RIMS2: variants seen among roughly 807,000 people sequenced by gnomAD.
RIMS2 encodes the protein regulating synaptic membrane exocytosis 2.
RIMS2 carries 59 observed loss-of-function variants against 174.4 expected under a neutral mutation model. That is an observed-to-expected ratio of 0.34 (90% confidence interval 0.27 to 0.42). The LOEUF is 0.42. RIMS2 is among the 10% of genes least tolerant of loss of function. The pLI is 1.00. For missense variants in RIMS2, 1,620 were observed against 1,666.3 expected, an observed-to-expected ratio of 0.97 and a Z score of 0.48; for synonymous variants, 606 against 572.5, an observed-to-expected ratio of 1.06 and a Z score of -0.84.
At chr8:104,148,213 T>A (rs2098659443) in intron 19 of RIMS2, among the ~76,000 whole-genome samples, 1 of 149,200 alleles carries the variant, frequency 6.7e-6, no homozygotes, top group Non-Finnish European at 1.5e-5. Context: ...ACTTGTCTAA[T>A]TACCTTTTGA....
chr8:103,529,016 A>G (rs975981128), intron 1 of RIMS2, among the ~76,000 whole-genome samples: 2 of 152,316 alleles, frequency 1.3e-5, no homozygotes, highest in African/African-American at 4.8e-5. Context: ...GAGTCTTCCT[A>G]TCCATGAGCA....
In RIMS2 at chr8:104,166,080, TTTTTGA is replaced by T. The variant is rs1566789680; in HGVS notation, c.3335-78835_3335-78830del. On this transcript the variant is annotated intron_variant, in intron 19 of 23. Coordinates refer to ENST00000504942, the Ensembl canonical transcript of RIMS2. ...ATTTCTTTTTTTTTTTTTTTTTTTT[TTTTTGA>T]GACAGAGTCTCGCTCTGTCGCCCAG... Among the ~76,000 whole-genome samples the T allele has an allele frequency of 1.7e-4, 8 of 45,742 alleles. No homozygotes were observed. In the South Asian group the frequency reaches 4.1e-3, roughly 23 times the overall value. The allele number at this position is 45,742 out of a possible 152,430, so 30.0% of individuals were successfully genotyped here. A position where few individuals can be genotyped will look rare whatever the true frequency, so the allele number is the denominator to read the frequency against.
intron 19 of RIMS2, among the ~76,000 whole-genome samples, chr8:104,234,455 T>G (rs2099248427): frequency 6.6e-6 from 1 of 150,772 alleles, no homozygotes; most frequent in Non-Finnish European, 1.5e-5. Flanking sequence ...GTAGTGGATA[T>G]GCAACTCTAT....
intron 2 of RIMS2, among the ~76,000 whole-genome samples, chr8:103,740,383 A>G (rs2097748488): frequency 3.3e-5 from 5 of 152,164 alleles, no homozygotes; most frequent in Admixed American, 2.6e-4. Flanking sequence ...TAGAGAAGGG[A>G]AGAAATGCCT....
chr8:103,790,148 A>C (rs935948939), intron 3 of RIMS2, among the ~76,000 whole-genome samples: 2 of 152,248 alleles, frequency 1.3e-5, no homozygotes, highest in East Asian at 3.9e-4. Context: ...ACAAATGTAC[A>C]CCTAAGTGGT....
chr8:103,720,112 C>G (rs1471493335), intron 2 of RIMS2, among the ~76,000 whole-genome samples: 1 of 152,100 alleles, frequency 6.6e-6, no homozygotes, highest in African/African-American at 2.4e-5. Flanking sequence ...CAGTAATTCT[C>G]ACATTTCAGA....
intron 2 of RIMS2, among the ~76,000 whole-genome samples, chr8:103,758,283 T>G (rs2098055773): frequency 6.6e-6 from 1 of 152,194 alleles, no homozygotes; most frequent in African/African-American, 2.4e-5. Context: ...AGATATTCAT[T>G]AATGAGCTGT....
chr8:104,176,432 A>G (rs767394513), intron 19 of RIMS2, among the ~76,000 whole-genome samples: 25 of 152,068 alleles, frequency 1.6e-4, no homozygotes, highest in Non-Finnish European at 3.7e-4. Flanking sequence ...TTACAGCATT[A>G]CTGGCCTGGC....
At chr8:103,564,157 C>T (rs546337380) in intron 1 of RIMS2, among the ~76,000 whole-genome samples, 2 of 152,312 alleles carry the variant, frequency 1.3e-5, no homozygotes, top group South Asian at 4.1e-4. Context: ...TTTGTTAAGA[C>T]ATGCACTAAA....
chr8:104,099,832 T>C (rs2097839745), intron 19 of RIMS2, among the ~76,000 whole-genome samples: 1 of 151,930 alleles, frequency 6.6e-6, no homozygotes, highest in Non-Finnish European at 1.5e-5. Flanking sequence ...TCTTTTTTTT[T>C]TTGAGACAGC....
chr8:104,001,659 AACTTT>A (rs150754973), intron 17 of RIMS2, among the ~76,000 whole-genome samples: 1 of 152,006 alleles, frequency 6.6e-6, no homozygotes, highest in Non-Finnish European at 1.5e-5. Context: ...TTACTCTACT[AACTTT>A]CTAAGTTTCT....
intron 1 of RIMS2, among the ~76,000 whole-genome samples, chr8:103,618,507 G>A (rs1294775071): frequency 6.6e-6 from 1 of 152,076 alleles, no homozygotes; most frequent in African/African-American, 2.4e-5. Context: ...AAGCTGGAGA[G>A]ACCCAGACAG....
intron 19 of RIMS2, among the ~76,000 whole-genome samples, chr8:104,216,389 T>C (rs1186281602): frequency 6.6e-6 from 1 of 152,210 alleles, no homozygotes; most frequent in African/African-American, 2.4e-5. Context: ...CATTGTCTAA[T>C]TGTTGATCTC....
At chr8:103,871,457 T>G (rs1415599214) in intron 3 of RIMS2, among the ~76,000 whole-genome samples, 6 of 152,206 alleles carry the variant, frequency 3.9e-5, no homozygotes, top group African/African-American at 7.2e-5. Flanking sequence ...TAATTTTTTT[T>G]TGTGGATACA....
chr8:103,664,150 A>G lies in RIMS2; in HGVS notation c.177-32936A>G, dbSNP rs535482370. Reference sequence around the variant, plus strand: ...AATTCAAGATGGATTAAAGACTTCAATGTAAGACCTAATACCATAAAAACC... The same window carrying G: ...AATTCAAGATGGATTAAAGACTTCAGTGTAAGACCTAATACCATAAAAACC... On this transcript the variant is annotated intron_variant, in intron 1 of 23. Transcript: ENST00000504942. Among the ~76,000 whole-genome samples the G allele has an allele frequency of 7.3e-4, 111 of 152,376 alleles. 1 individual carries two copies. The highest frequency in any genetic ancestry group is 2.3e-3 in the African/African-American group (94 of 41,594).
At chr8:103,718,327 T>C (rs1272100206) in intron 2 of RIMS2, among the ~76,000 whole-genome samples, 4 of 152,226 alleles carry the variant, frequency 2.6e-5, no homozygotes, top group Non-Finnish European at 5.9e-5. Context: ...TGTTGCTGTA[T>C]ATTTATTATT....
At chr8:103,575,217 G>T (rs1449581179) in intron 1 of RIMS2, among the ~76,000 whole-genome samples, 1 of 152,132 alleles carries the variant, frequency 6.6e-6, no homozygotes, top group Non-Finnish European at 1.5e-5. Flanking sequence ...GTCGCAGTGG[G>T]AATACAGAAT....
At chr8:104,023,863 A>G (rs566850179) in intron 19 of RIMS2, among the ~76,000 whole-genome samples, 1 of 152,314 alleles carries the variant, frequency 6.6e-6, no homozygotes, top group East Asian at 1.9e-4. Flanking sequence ...GAAGTTGGGA[A>G]GATGAAGCAA....
At chr8:104,185,865 A>G (rs113298903) in intron 19 of RIMS2, among the ~76,000 whole-genome samples, 2 of 151,866 alleles carry the variant, frequency 1.3e-5, no homozygotes, top group African/African-American at 4.8e-5. Context: ...TCAATCCAGC[A>G]ATCTCACTTC....
Sources: allele counts gnomAD v4.1 joint callset (sites outside exome capture counted in the v4.1 genomes callset), GRCh38; gene constraint gnomAD v4.1.1; transcripts MANE v1.5; gene names NCBI Gene and HGNC (gene_info 2026-07-23, HGNC 2026-07-21).